KCNIP4: variants seen among roughly 807,000 people sequenced by gnomAD.
KCNIP4 encodes the protein Kv channel-interacting protein 4.
KCNIP4 carries 12 observed loss-of-function variants against 34.0 expected under a neutral mutation model. The ratio of observed to expected loss-of-function variants is 0.35; its 90% CI spans 0.23 to 0.57. The LOEUF (loss-of-function observed/expected upper bound fraction) is 0.57, where lower values mean the gene tolerates loss of function less well. Ranked by LOEUF, KCNIP4 falls within the 20% of genes least tolerant of loss-of-function variation. The probability of loss-of-function intolerance (pLI) is 0.83; values close to 1 mark genes in which losing one functional copy is unlikely to be tolerated. For synonymous variants in KCNIP4, 124 were observed against 102.2 expected (o/e 1.21, Z -1.29); for missense variants, 238 against 311.7 (o/e 0.76, Z 1.78).
intron 1 of KCNIP4, among the ~76,000 whole-genome samples, chr4:21,364,199 A>T (rs1344709671): frequency 6.6e-6 from 1 of 152,144 alleles, no homozygotes. Flanking sequence ...CAACAACCAT[A>T]TTATTTTCTT....
rs1315926550 is a variant in KCNIP4, at chr4:21,632,700, C to CATAA, written c.61+315870_61+315871insTTAT. On this transcript the variant is annotated intron_variant, in intron 1 of 8. Transcript: ENST00000382152. ...TCTATTCCAATGGAAGTAATAGGAG[C>CATAA]TACAAACTTATGAGGGAAGCAGATA... Among the ~76,000 whole-genome samples, 795 of 152,288 alleles carry CATAA rather than the reference C, an allele frequency of 5.2e-3. 4 individuals carry two copies. Among genetic ancestry groups the CATAA allele is most frequent in the African/African-American group, 0.018 (761 of 41,568 alleles).
At chr4:21,074,981 G>C (rs1480588290) in intron 1 of KCNIP4, among the ~76,000 whole-genome samples, 2 of 152,182 alleles carry the variant, frequency 1.3e-5, no homozygotes, top group Non-Finnish European at 1.5e-5. Flanking sequence ...GCTCTAGTTT[G>C]ATTGCACTGT....
chr4:21,048,944 CTTTTTTTTTTT>C (rs949548104), intron 1 of KCNIP4, among the ~76,000 whole-genome samples: 2 of 96,050 alleles, frequency 2.1e-5, no homozygotes, highest in South Asian at 3.6e-4. Context: ...TTCTGTTTAT[CTTTTTTTTTTT>C]TTTTTTTTTT....
intron 1 of KCNIP4, among the ~76,000 whole-genome samples, chr4:20,887,202 A>G (rs1045808434): frequency 6.6e-6 from 1 of 151,936 alleles, no homozygotes; most frequent in Admixed American, 6.6e-5. Context: ...AAAAGGAAGA[A>G]ATCTGAATAA....
chr4:20,797,059 A>G (rs930943928), intron 3 of KCNIP4, among the ~76,000 whole-genome samples: 5 of 152,204 alleles, frequency 3.3e-5, no homozygotes, highest in African/African-American at 1.2e-4. Context: ...CTTTACAATG[A>G]ATATAAAAAT....
At chr4:21,807,220 TACAG>T (rs1181490466) in intron 1 of KCNIP4, among the ~76,000 whole-genome samples, 1 of 152,170 alleles carries the variant, frequency 6.6e-6, no homozygotes, top group Non-Finnish European at 1.5e-5. Context: ...CAGCTGTAAA[TACAG>T]ACAAAGCTTC....
At chr4:21,257,929 AGT>A (rs1259591296) in intron 1 of KCNIP4, among the ~76,000 whole-genome samples, 9 of 152,178 alleles carry the variant, frequency 5.9e-5, no homozygotes, top group African/African-American at 2.2e-4. Flanking sequence ...AGCTATGCAA[AGT>A]AGCAAGCCGT....
chr4:21,528,485 G>A lies in KCNIP4; in HGVS notation c.61+420086C>T, dbSNP rs554356751. ...AGTTTGAGAGCAGCCTGGCCAATGT[G>A]GTGAAACCCTGTCTCTACCAAAAAT... On this transcript the variant is annotated intron_variant, in intron 1 of 8. Coordinates refer to ENST00000382152, the MANE Select transcript of KCNIP4 (RefSeq NM_025221.6). Among the ~76,000 whole-genome samples the A allele has an allele frequency of 2.0e-5, 3 of 151,652 alleles. No homozygotes were observed. In the East Asian group the frequency reaches 5.8e-4, roughly 30 times the overall value.
chr4:20,968,737 T>G (rs1261443707), intron 1 of KCNIP4, among the ~76,000 whole-genome samples: 1 of 120,756 alleles, frequency 8.3e-6, no homozygotes, highest in Non-Finnish European at 1.6e-5. Context: ...TGAGAACACA[T>G]GGACACAGGG....
Position 21,948,703 on chromosome 4 carries a change from A to C in KCNIP4, c.-72T>G. On this transcript the variant is annotated 5_prime_UTR_variant, in exon 1 of 9. Transcript: ENST00000382152. Reference sequence around the variant, plus strand: ...CAGGGGCGTCTGTCCACGGGTCTGCACGGGAGCGCACCGCCGCTCGGCCCG... The same window carrying C: ...CAGGGGCGTCTGTCCACGGGTCTGCCCGGGAGCGCACCGCCGCTCGGCCCG... The C allele has an allele frequency of 6.8e-7, 1 of 1,467,552 alleles. No homozygotes were observed. Among genetic ancestry groups the C allele is most frequent in the South Asian group, 1.4e-5 (1 of 72,042 alleles). 90.9% of individuals were successfully genotyped at this position (1,467,552 alleles called of 1,614,324 possible). A position where few individuals can be genotyped will look rare whatever the true frequency, so the allele number is the denominator to read the frequency against.
At chr4:20,791,867 G>T (rs1005671765) in intron 3 of KCNIP4, among the ~76,000 whole-genome samples, 1 of 152,154 alleles carries the variant, frequency 6.6e-6, no homozygotes, top group Non-Finnish European at 1.5e-5. Flanking sequence ...TTAAGAAACA[G>T]ATTGACCTCT....
chr4:21,425,357 GTC>G (rs1725841876), intron 1 of KCNIP4, among the ~76,000 whole-genome samples: 1 of 152,048 alleles, frequency 6.6e-6, no homozygotes, highest in African/African-American at 2.4e-5. Flanking sequence ...AACTAAAACT[GTC>G]TGCGATAATA....
chr4:20,966,549 T>C (rs79143967), intron 1 of KCNIP4, among the ~76,000 whole-genome samples: 2,742 of 152,326 alleles, frequency 0.018, 83 homozygotes, highest in African/African-American at 0.063. Context: ...ATTCCAATTC[T>C]ACTGATTGCT....
intron 1 of KCNIP4, among the ~76,000 whole-genome samples, chr4:21,815,123 C>T (rs567000531): frequency 3.0e-4 from 46 of 152,158 alleles, no homozygotes; most frequent in African/African-American, 9.2e-4. Flanking sequence ...TCGTGTACAC[C>T]AGGTTAAGGT....
At chr4:21,461,535 C>A (rs374461145) in intron 1 of KCNIP4, among the ~76,000 whole-genome samples, 1 of 151,800 alleles carries the variant, frequency 6.6e-6, no homozygotes, top group African/African-American at 2.4e-5. Context: ...TCACTTACTG[C>A]AGATAATTTG....
At chr4:21,005,595 C>T (rs1261809242) in intron 1 of KCNIP4, among the ~76,000 whole-genome samples, 1 of 151,872 alleles carries the variant, frequency 6.6e-6, no homozygotes, top group African/African-American at 2.4e-5. Flanking sequence ...CTACATATAA[C>T]CTGCCTGAGA....
chr4:21,061,003 T>G (rs1743868201), intron 1 of KCNIP4, among the ~76,000 whole-genome samples: 2 of 152,140 alleles, frequency 1.3e-5, no homozygotes, highest in South Asian at 4.1e-4. Context: ...TTAAAAGATA[T>G]GCACGTCTTT....
chr4:20,908,776 T>A (rs532008680), intron 1 of KCNIP4, among the ~76,000 whole-genome samples: 1 of 152,218 alleles, frequency 6.6e-6, no homozygotes, highest in East Asian at 1.9e-4. Flanking sequence ...ACACTACTTA[T>A]GCTGCTAAGG....
intron 1 of KCNIP4, among the ~76,000 whole-genome samples, chr4:21,026,258 T>C (rs867523835): frequency 1.3e-5 from 2 of 152,216 alleles, no homozygotes; most frequent in Non-Finnish European, 2.9e-5. Context: ...GAGAAGCCTG[T>C]ACATCTCCAG....
Sources: gnomAD v4.1 joint callset for allele counts (sites outside exome capture counted in the v4.1 genomes callset) on GRCh38, gnomAD v4.1.1 for gene constraint, MANE v1.5 for transcripts, NCBI Gene and HGNC (gene_info 2026-07-23, HGNC 2026-07-21) for gene names.